Variants in NT5C1B observed in about 807,000 individuals in gnomAD.
NT5C1B encodes 5'-nucleotidase, cytosolic IB.
In NT5C1B, 44 loss-of-function variants were observed where a neutral mutation model predicts 57.8. That is an observed-to-expected ratio of 0.76 (90% CI 0.60 to 0.98). NT5C1B has a LOEUF of 0.98. Among genes scored for constraint, NT5C1B ranks in the 50% least tolerant of loss-of-function variants. NT5C1B has a pLI of 0.00. For synonymous variants in NT5C1B, 284 were observed against 282.6 expected (o/e 1.00, Z -0.05); for missense variants, 742 against 719.5 (o/e 1.03, Z -0.36).
At chr2:18,563,064 G>T (rs928508026) in exon 9 of NT5C1B, 1 of 133,692 alleles carries the variant, frequency 7.5e-6, no homozygotes, top group Non-Finnish European at 1.5e-5. Context: ...GTAGCGTAGG[G>T]TCTTTTTTTT....
chr2:18,563,853 C>T (rs1664394999), exon 9 of NT5C1B: 1 of 1,611,188 alleles, frequency 6.2e-7, no homozygotes, highest in African/African-American at 1.3e-5. Context: ...ACCTCTGTGC[C>T]CCTTCAATGT....
At chr2:18,565,970 A>G (rs2148075167) in intron 8 of NT5C1B, among the ~76,000 whole-genome samples, 1 of 152,276 alleles carries the variant, frequency 6.6e-6, no homozygotes, top group South Asian at 2.1e-4. Flanking sequence ...GGAAGGGACG[A>G]AAGATTTACA....
chr2:18,574,830 C>T (rs7603601), intron 8 of NT5C1B, among the ~76,000 whole-genome samples: 17,981 of 151,690 alleles, frequency 0.12, 1,674 homozygotes, highest in African/African-American at 0.25. Context: ...TACCACAATA[C>T]AAAAAAAATT....
chr2:18,574,319 A>G (rs1665474672), intron 8 of NT5C1B, among the ~76,000 whole-genome samples: 1 of 152,148 alleles, frequency 6.6e-6, no homozygotes. Context: ...AAAACAAAAC[A>G]AAGATACCAA....
At chr2:18,564,232 C>A in intron 8 of NT5C1B, 113 bp from the exon 9 acceptor site, 1 of 1,241,302 alleles carries the variant, frequency 8.1e-7, no homozygotes, top group Non-Finnish European at 1.0e-6. Context: ...TACAGCATGA[C>A]ATGCAGTGTT....
rs751531766 is a variant in NT5C1B at position 18,584,607 on chromosome 2, CTGCTGCTGCTGCTCGG to C, written c.614_629del (p.Ser205CysfsTer17). The C allele has an allele frequency of 1.2e-6, 2 of 1,612,658 alleles. No individual in the cohort carries two copies. Among genetic ancestry groups the C allele is most frequent in the Admixed American group, 3.3e-5 (2 of 59,862 alleles). On this transcript the variant is annotated frameshift_variant, in exon 4 of 9. Transcript: ENST00000304081. LOFTEE classifies it high-confidence loss of function. This position sits in a 1 kb window ranked among gnomAD's most constrained non-coding sequence, Gnocchi z 5.8. Reference sequence around the variant, plus strand: ...CGTAGTCGTCCTCGTCCTCCCGCTGCTGCTGCTGCTGCTCGGACAGAGAGTTGCGGTCCAGCTGGGT... The same window carrying C: ...CGTAGTCGTCCTCGTCCTCCCGCTGCACAGAGAGTTGCGGTCCAGCTGGGT...
intron 8 of NT5C1B, among the ~76,000 whole-genome samples, chr2:18,575,014 A>G (rs185767541): frequency 1.3e-5 from 2 of 152,180 alleles, no homozygotes; most frequent in Non-Finnish European, 2.9e-5. Context: ...AAAATGAGAA[A>G]AGAACTGAAA....
intron 6 of NT5C1B, among the ~76,000 whole-genome samples, chr2:18,577,655 TAGAA>T (rs1237881541): frequency 2.0e-5 from 3 of 150,566 alleles, no homozygotes; most frequent in Admixed American, 6.6e-5. Flanking sequence ...CATTGAAAGT[TAGAA>T]AGATCACAAA....
At chr2:18,580,643 C>T (rs1271440599) in intron 6 of NT5C1B, among the ~76,000 whole-genome samples, 2 of 152,120 alleles carry the variant, frequency 1.3e-5, no homozygotes, top group African/African-American at 4.8e-5. Context: ...TATATGCACA[C>T]ATATCTTCAT....
At chr2:18,564,190 C>T in intron 8 of NT5C1B, 71 bp from the exon 9 acceptor site, 1 of 1,477,758 alleles carries the variant, frequency 6.8e-7, no homozygotes. Context: ...AAGCAGAGAC[C>T]TATATGATAC....
At chr2:18,577,023 A>G (rs2148131288) in intron 6 of NT5C1B, 128 bp from the exon 7 acceptor site, 1 of 1,469,596 alleles carries the variant, frequency 6.8e-7, no homozygotes, top group South Asian at 1.3e-5. Flanking sequence ...TTGTGAACCT[A>G]AAGGAAAGTT....
intron 8 of NT5C1B, among the ~76,000 whole-genome samples, chr2:18,567,004 A>C (rs1218793537): frequency 2.0e-5 from 3 of 152,212 alleles, no homozygotes; most frequent in African/African-American, 7.2e-5. Context: ...AAGCAATTCA[A>C]GTAATTTCAA....
At chr2:18,566,684 A>G (rs1664671466) in intron 8 of NT5C1B, among the ~76,000 whole-genome samples, 1 of 152,204 alleles carries the variant, frequency 6.6e-6, no homozygotes, top group South Asian at 2.1e-4. Context: ...ATATTGGGGT[A>G]TGTTTTATAA....
intron 2 of NT5C1B, 67 bp downstream of exon 2, chr2:18,587,436 C>A: frequency 4.4e-6 from 7 of 1,594,478 alleles, no homozygotes; most frequent in Non-Finnish European, 6.0e-6. Context: ...ACTCCCTGCC[C>A]CCTAACATTT....
chr2:18,582,765 A>G, intron 6 of NT5C1B, 103 bp downstream of exon 6: 3 of 1,494,534 alleles, frequency 2.0e-6, no homozygotes, highest in Non-Finnish European at 2.7e-6. Flanking sequence ...GGGTGTCAGT[A>G]TCAAAGACAC....
chr2:18,582,726 A>T, intron 6 of NT5C1B, 142 bp downstream of exon 6: 1 of 1,277,724 alleles, frequency 7.8e-7, no homozygotes. Context: ...GTTCTGACAT[A>T]GGCAAATAAA....
chr2:18,587,735 C>G, intron 1 of NT5C1B, 143 bp from the exon 2 acceptor site: 2 of 822,894 alleles, frequency 2.4e-6, no homozygotes, highest in African/African-American at 1.8e-5. Context: ...CCTTAGTTTC[C>G]CCTGTTCTAA....
intron 2 of NT5C1B, chr2:18,586,825 A>G: frequency 2.4e-6 from 3 of 1,271,892 alleles, no homozygotes; most frequent in African/African-American, 1.5e-5. Flanking sequence ...GGGGACTCTA[A>G]GGCAGCTGCT....
chr2:18,584,808 G>T lies in NT5C1B; in HGVS notation c.429C>A (p.Ser143=). The change falls in exon 4 of 9, where the codon TCC becomes TCA. Residue 143 remains serine (S), a synonymous_variant. Transcript: ENST00000304081. The surrounding 1 kb of genome is among the most constrained non-coding windows in gnomAD (Gnocchi z 5.8). ...TCTCTTGCATTTTGGTGCTGCGCCG[G>T]GAGCCAGGATCGGGCTCTGGGGGCG... 6.2e-7 allele frequency: 1 copy of T among 1,613,122 alleles called. No homozygotes were observed. Among genetic ancestry groups the T allele is most frequent in the Non-Finnish European group, 8.5e-7 (1 of 1,179,704 alleles).
Sources: allele counts gnomAD v4.1 joint callset (sites outside exome capture counted in the v4.1 genomes callset), GRCh38; gene constraint gnomAD v4.1.1; non-coding constraint Gnocchi (gnomAD v3.1); transcripts MANE v1.5; gene names NCBI Gene and HGNC (gene_info 2026-07-23, HGNC 2026-07-21).